The following SLC35F3 variants were observed in gnomAD, a reference collection of about 807,000 sequenced individuals.
SLC35F3 encodes the protein solute carrier family 35 member F3, also known as putative thiamine transporter SLC35F3.
Under a neutral mutation model 49.9 loss-of-function variants are expected in SLC35F3, and 25 were observed. That is an observed-to-expected ratio of 0.50 (90% CI 0.37 to 0.70). The LOEUF is 0.70. Ranked by LOEUF, SLC35F3 falls within the 30% of genes least tolerant of loss-of-function variation. SLC35F3 has a pLI of 0.00. For missense variants in SLC35F3, 525 were observed against 639.8 expected, an observed-to-expected ratio of 0.82 and a Z score of 1.94; for synonymous variants, 275 against 265.4, an observed-to-expected ratio of 1.04 and a Z score of -0.35.
intron 2 of SLC35F3, among the ~76,000 whole-genome samples, chr1:234,092,436 C>A (rs925526111): frequency 1.3e-5 from 2 of 152,108 alleles, no homozygotes; most frequent in Non-Finnish European, 2.9e-5. Context: ...GAGTTTCTTG[C>A]CATTTCTGAA....
Position 233,937,358 on chromosome 1 carries a change from C to T in SLC35F3, c.283+31600C>T, listed in dbSNP as rs181086653. 1.5e-3 allele frequency among the ~76,000 whole-genome samples: 233 copies of T among 152,314 alleles called. No individual in the cohort carries two copies. In the Middle Eastern group the frequency reaches 0.02, roughly 13 times the overall value. On this transcript the variant is annotated intron_variant, in intron 2 of 7. Coordinates refer to ENST00000366618, the MANE Select transcript of SLC35F3 (RefSeq NM_173508.4). Reference sequence around the variant, plus strand: ...ATGAAGAGTATTTGGGATATCCATTCTGTTAAAATCAAGATGTGATACACC... The same window carrying T: ...ATGAAGAGTATTTGGGATATCCATTTTGTTAAAATCAAGATGTGATACACC...
intron 2 of SLC35F3, among the ~76,000 whole-genome samples, chr1:233,933,035 T>TAAAAAA (rs59669736): frequency 0.099 from 13,353 of 134,490 alleles, 707 homozygotes; most frequent in Non-Finnish European, 0.13. Flanking sequence ...GCTATTTAAG[T>TAAAAAA]AAAAAAAAAA....
In SLC35F3 at chr1:233,950,488, T is replaced by G. The variant is rs867962081; in HGVS notation, c.283+44730T>G. 3.8e-5 allele frequency among the ~76,000 whole-genome samples: 4 copies of G among 105,624 alleles called. No individual in the cohort carries two copies. The Admixed American group carries it at 4.3e-4, about 11-fold the overall frequency. 69.3% of individuals were successfully genotyped at this position (105,624 alleles called of 152,430 possible). Reference sequence around the variant, plus strand: ...TCCTTCCTTCCTTCCTTCCTTCCTTTCTCCCTCCCCACTTCCTCCCTTCCT... The same window carrying G: ...TCCTTCCTTCCTTCCTTCCTTCCTTGCTCCCTCCCCACTTCCTCCCTTCCT... On this transcript the variant is annotated intron_variant, in intron 2 of 7. Transcript: ENST00000366618.
chr1:234,246,874 G>A (rs972435520), intron 3 of SLC35F3, among the ~76,000 whole-genome samples: 13 of 152,216 alleles, frequency 8.5e-5, no homozygotes, highest in East Asian at 1.9e-4. Context: ...AGGCCCTGTC[G>A]GCTGCTGTAT....
chr1:234,053,854 G>C (rs1407443994), intron 2 of SLC35F3, among the ~76,000 whole-genome samples: 1 of 152,120 alleles, frequency 6.6e-6, no homozygotes, highest in Non-Finnish European at 1.5e-5. Context: ...CAGAATCTCT[G>C]AGCATTTGCT....
chr1:233,991,829 T>C (rs1663359993), intron 2 of SLC35F3, among the ~76,000 whole-genome samples: 1 of 152,238 alleles, frequency 6.6e-6, no homozygotes, highest in African/African-American at 2.4e-5. Flanking sequence ...TTATTTTGCC[T>C]GTTTATTTAA....
intron 2 of SLC35F3, among the ~76,000 whole-genome samples, chr1:234,018,859 T>A (rs1285904566): frequency 1.3e-5 from 2 of 152,252 alleles, no homozygotes; most frequent in African/African-American, 2.4e-5. Context: ...AAGCATCTAT[T>A]TTCTTTCGCT....
chr1:233,953,135 G>A (rs1406733958), intron 2 of SLC35F3, among the ~76,000 whole-genome samples: 2 of 152,136 alleles, frequency 1.3e-5, no homozygotes, highest in Non-Finnish European at 2.9e-5. Context: ...TGGGAGATCA[G>A]CTGGAAACCT....
chr1:234,169,594 T>C (rs536435300), intron 2 of SLC35F3, among the ~76,000 whole-genome samples: 1 of 152,206 alleles, frequency 6.6e-6, no homozygotes, highest in South Asian at 2.1e-4. Flanking sequence ...GGACATCTTG[T>C]TGACCATGGG....
At chr1:233,919,036 C>CTA (rs1012220355) in intron 2 of SLC35F3, among the ~76,000 whole-genome samples, 12 of 151,966 alleles carry the variant, frequency 7.9e-5, no homozygotes, top group African/African-American at 9.7e-5. Context: ...ATGAATCTAT[C>CTA]TATATATATA....
intron 2 of SLC35F3, among the ~76,000 whole-genome samples, chr1:234,038,233 G>A (rs1236166834): frequency 8.0e-5 from 12 of 150,450 alleles, no homozygotes; most frequent in African/African-American, 1.7e-4. Context: ...TTGTCCTTGC[G>A]ATAGTTTACT....
intron 3 of SLC35F3, among the ~76,000 whole-genome samples, chr1:234,273,086 A>ATGTCATCATCTGACACCTGC (rs1668134998): frequency 6.6e-6 from 1 of 152,158 alleles, no homozygotes; most frequent in Non-Finnish European, 1.5e-5. Context: ...TGTGTGCATT[A>ATGTCATCATCTGACACCTGC]TGTCATCATC....
At chr1:234,145,614 A>G (rs1665984743) in intron 2 of SLC35F3, among the ~76,000 whole-genome samples, 1 of 152,102 alleles carries the variant, frequency 6.6e-6, no homozygotes, top group South Asian at 2.1e-4. Context: ...ACCTGTATAG[A>G]CTTTTTTTTC....
chr1:233,959,154 T>C (rs751185491), intron 2 of SLC35F3, among the ~76,000 whole-genome samples: 26 of 152,204 alleles, frequency 1.7e-4, no homozygotes, highest in African/African-American at 2.4e-4. Flanking sequence ...CTCTAAAGCT[T>C]AGTCTCTTTT....
intron 3 of SLC35F3, among the ~76,000 whole-genome samples, chr1:234,283,524 T>A (rs769021281): frequency 6.6e-6 from 1 of 152,252 alleles, no homozygotes; most frequent in African/African-American, 2.4e-5. Context: ...ATACTTGGAT[T>A]GGTCCAGTTG....
At chr1:234,049,343 T>C (rs1456966800) in intron 2 of SLC35F3, among the ~76,000 whole-genome samples, 1 of 152,066 alleles carries the variant, frequency 6.6e-6, no homozygotes, top group Non-Finnish European at 1.5e-5. Flanking sequence ...ACTCTTGCTC[T>C]CTCTCTATCT....
intron 2 of SLC35F3, among the ~76,000 whole-genome samples, chr1:233,954,508 A>T (rs1230866602): frequency 6.6e-6 from 1 of 152,208 alleles, no homozygotes; most frequent in Non-Finnish European, 1.5e-5. Flanking sequence ...TTGTCACTCT[A>T]ATGTGAAAGC....
At chr1:234,312,358 G>A (rs762143209) in intron 4 of SLC35F3, among the ~76,000 whole-genome samples, 1 of 152,190 alleles carries the variant, frequency 6.6e-6, no homozygotes, top group Admixed American at 6.5e-5. Context: ...AAACCCCAGC[G>A]GCACATTCCT....
At chr1:234,097,843 T>C (rs1665147157) in intron 2 of SLC35F3, among the ~76,000 whole-genome samples, 1 of 152,184 alleles carries the variant, frequency 6.6e-6, no homozygotes, top group Non-Finnish European at 1.5e-5. Context: ...ATTTTGCATA[T>C]ATGAAAGAGA....
Sources: allele counts gnomAD v4.1 joint callset (sites outside exome capture counted in the v4.1 genomes callset), GRCh38; gene constraint gnomAD v4.1.1; transcripts MANE v1.5; gene names NCBI Gene and HGNC (gene_info 2026-07-23, HGNC 2026-07-21).